AEN: variants seen among roughly 807,000 people sequenced by gnomAD.
AEN encodes the protein apoptosis-enhancing nuclease.
In AEN, 21 loss-of-function variants were observed where a neutral mutation model predicts 17.7. The ratio of observed to expected loss-of-function variants is 1.19; its 90% CI spans 0.84 to 1.71. The LOEUF is 1.71. Among genes scored for constraint, AEN ranks in the 40% most tolerant of loss-of-function variants. The probability of loss-of-function intolerance (pLI) is 0.00; values close to 1 mark genes in which losing one functional copy is unlikely to be tolerated. For synonymous variants in AEN, 190 were observed against 173.0 expected, an observed-to-expected ratio of 1.10 and a Z score of -0.77; for missense variants, 462 against 435.9, an observed-to-expected ratio of 1.06 and a Z score of -0.53.
Position 88,626,551 on chromosome 15 carries a change from C to A in AEN, c.342C>A (p.Asp114Glu), listed in dbSNP as rs1436314345. The stretch of plus-strand genomic sequence containing the variant: ...TGCCCAGCAAGTGTGTGGCTATCGA[C>A]TGTGAGATGGTGGGCACGGGACCCC... ...GPLPSKCVAI[D>E]CEMVGTGPRG... Residue 114 changes from aspartate (D) to glutamate (E), a missense_variant, in exon 2 of 4, where the codon GAC becomes GAA. Asp to Glu is a conservative substitution (Grantham distance 45). Transcript: ENST00000332810. The A allele has an allele frequency of 1.2e-6, 2 of 1,614,046 alleles. No individual in the cohort carries two copies. The highest frequency in any genetic ancestry group is 2.7e-5 in the African/African-American group (2 of 74,950).
the AEN span, among the ~76,000 whole-genome samples, chr15:88,612,250 G>A: frequency 7.9e-5 from 12 of 152,264 alleles, no homozygotes; most frequent in South Asian, 1.9e-3. Context: ...CACATCCTGG[G>A]GCTCAGGGCC....
rs374980015 is a variant in AEN at position 88,630,220 on chromosome 15, G to A, written c.904G>A (p.Asp302Asn). The A allele has an allele frequency of 1.9e-6, 3 of 1,608,138 alleles. No homozygotes were observed. Among genetic ancestry groups the A allele is most frequent in the South Asian group, 1.1e-5 (1 of 90,158 alleles). Reference protein sequence around the residue: ...SSTDMEQYMEDQYWPDDLAHG... With the variant: ...SSTDMEQYMENQYWPDDLAHG... ...CACAGACATGGAACAGTACATGGAG[G>A]ACCAGTACTGGCCCGATGACCTGGC... is the stretch of plus-strand genomic sequence containing the variant. Residue 302 changes from aspartate (D) to asparagine (N), a missense_variant, in exon 4 of 4, where the codon GAC (aspartate) becomes AAC (asparagine). Coordinates refer to ENST00000332810, the MANE Select transcript of AEN (RefSeq NM_022767.4). This position sits in a 1 kb window ranked among gnomAD's most constrained non-coding sequence, Gnocchi z 5.1.
At chr15:88,612,566 C>G in the AEN span, among the ~76,000 whole-genome samples, 1 of 148,190 alleles carries the variant, frequency 6.7e-6, no homozygotes, top group African/African-American at 2.5e-5. Flanking sequence ...AAGCATTTCC[C>G]AGCCTTTTAT....
At chr15:88,618,833 G>T (rs2057758885), upstream of AEN, among the ~76,000 whole-genome samples, 3 of 152,180 alleles carry the variant, frequency 2.0e-5, 1 homozygote, top group South Asian at 6.2e-4. Context: ...GACAGGGTCT[G>T]TCTGGCTCTG....
At chr15:88,611,207 T>C in the AEN span, among the ~76,000 whole-genome samples, 2 of 152,094 alleles carry the variant, frequency 1.3e-5, no homozygotes, top group Non-Finnish European at 2.9e-5. Context: ...GTTTCTCTTC[T>C]GCATGGTGGT....
At chr15:88,625,633 C>T (rs1270865324) in intron 1 of AEN, among the ~76,000 whole-genome samples, 4 of 152,230 alleles carry the variant, frequency 2.6e-5, no homozygotes, top group Non-Finnish European at 4.4e-5. Context: ...TCTGTGCCTT[C>T]ATATTTCAAA....
At chr15:88,615,555 A>G in the AEN span, among the ~76,000 whole-genome samples, 1 of 152,186 alleles carries the variant, frequency 6.6e-6, no homozygotes, top group East Asian at 1.9e-4. Flanking sequence ...CTCCAACACA[A>G]TGGATCCTAA....
At chr15:88,607,903 A>G in the AEN span, among the ~76,000 whole-genome samples, 1 of 152,210 alleles carries the variant, frequency 6.6e-6, no homozygotes, top group African/African-American at 2.4e-5. Flanking sequence ...CCTTTAGACC[A>G]GACCAGACAG....
intron 2 of AEN, chr15:88,627,321 G>C (rs948337548): frequency 6.5e-6 from 1 of 153,504 alleles, no homozygotes. Flanking sequence ...TCATCACACT[G>C]TGTAGACTTG....
intron 1 of AEN, among the ~76,000 whole-genome samples, chr15:88,625,872 T>G (rs1191174879): frequency 3.3e-5 from 5 of 152,258 alleles, no homozygotes. Flanking sequence ...GTGCCTCAGT[T>G]TCTTACCTGT....
At chr15:88,606,802 G>C in the AEN span, among the ~76,000 whole-genome samples, 1 of 152,192 alleles carries the variant, frequency 6.6e-6, no homozygotes, top group Non-Finnish European at 1.5e-5. Context: ...GCGCATAGCA[G>C]AGCAACTTAC....
At chr15:88,621,333 C>A (rs1307751628), upstream of AEN, 1 of 152,350 alleles carries the variant, frequency 6.6e-6, no homozygotes, top group Non-Finnish European at 1.5e-5. Flanking sequence ...TGGGAGCTGC[C>A]GGCTTTCCGG....
upstream of AEN, among the ~76,000 whole-genome samples, chr15:88,620,749 T>A (rs932882356): frequency 9.2e-5 from 14 of 152,322 alleles, 1 homozygote; most frequent in African/African-American, 3.4e-4. Context: ...GCTGTTTCCC[T>A]GCTGTTAGAT....
intron 1 of AEN, among the ~76,000 whole-genome samples, chr15:88,624,643 G>A (rs894836025): frequency 6.6e-5 from 10 of 152,270 alleles, no homozygotes; most frequent in South Asian, 2.1e-4. Flanking sequence ...CAGCACTTTC[G>A]GAGGCCAAGG....
the AEN span, among the ~76,000 whole-genome samples, chr15:88,615,840 T>G: frequency 6.6e-6 from 1 of 151,984 alleles, no homozygotes; most frequent in Non-Finnish European, 1.5e-5. Flanking sequence ...ACCATGGGGA[T>G]CCCCACAGTA....
chr15:88,621,496 G>C (rs2057787223), intron 1 of AEN, 114 bp downstream of exon 1: 1 of 152,284 alleles, frequency 6.6e-6, no homozygotes, highest in African/African-American at 2.4e-5. Context: ...GGGGACGCCT[G>C]AACTGGGCTG....
chr15:88,630,323 T>TC lies in AEN; in HGVS notation c.*31dup. The TC allele has an allele frequency of 2.6e-6, 4 of 1,551,344 alleles. No individual in the cohort carries two copies. Among genetic ancestry groups the TC allele is most frequent in the Non-Finnish European group, 3.5e-6 (4 of 1,145,966 alleles). ...GGGGGCGGGGCTCCCTGGCTGGGCT[T>TC]CCGGTGTGGCCGGTAGGAAGTGGGG... On this transcript the variant is annotated 3_prime_UTR_variant, in exon 4 of 4. Coordinates refer to ENST00000332810, the MANE Select transcript of AEN (RefSeq NM_022767.4). This position sits in a 1 kb window ranked among gnomAD's most constrained non-coding sequence, Gnocchi z 5.1.
chr15:88,614,637 C>T, the AEN span, among the ~76,000 whole-genome samples: 1 of 152,176 alleles, frequency 6.6e-6, no homozygotes, highest in Non-Finnish European at 1.5e-5. Context: ...CAGCCCCACC[C>T]ATCGCAACTG....
At chr15:88,615,521 T>G in the AEN span, among the ~76,000 whole-genome samples, 1 of 152,178 alleles carries the variant, frequency 6.6e-6, no homozygotes, top group Admixed American at 6.5e-5. Context: ...CATTTAGCAC[T>G]GGGAATGTCG....
Sources: gnomAD v4.1 joint callset for allele counts (sites outside exome capture counted in the v4.1 genomes callset) on GRCh38, gnomAD v4.1.1 for gene constraint, Gnocchi (gnomAD v3.1) non-coding constraint, MANE v1.5 for transcripts, NCBI Gene and HGNC (gene_info 2026-07-23, HGNC 2026-07-21) for gene names.